APBA1: variants seen among roughly 807,000 people sequenced by gnomAD.
The protein encoded by APBA1 is amyloid beta precursor protein binding family A member 1, also known as amyloid-beta A4 precursor protein-binding family A member 1.
APBA1 carries 55 observed loss-of-function variants against 86.6 expected under a neutral mutation model. That is an observed-to-expected ratio of 0.64 (90% CI 0.51 to 0.80). The LOEUF is 0.80. Ranked by LOEUF, APBA1 falls within the 30% of genes least tolerant of loss-of-function variation. The pLI is 0.00. For synonymous variants in APBA1, 511 were observed against 493.9 expected (o/e 1.03, Z -0.46); for missense variants, 1,090 against 1,183.0 (o/e 0.92, Z 1.15).
intron 5 of APBA1, among the ~76,000 whole-genome samples, 158 bp downstream of exon 5, chr9:69,467,665 T>C (rs569870449): frequency 2.0e-5 from 3 of 152,288 alleles, no homozygotes; most frequent in African/African-American, 7.2e-5. Context: ...TTTGGAAATT[T>C]TTGTTTTGTT....
In APBA1 at chr9:69,459,085, C is replaced by T. The variant is rs3900247; in HGVS notation, c.1483-897G>A. Among the ~76,000 whole-genome samples the T allele has an allele frequency of 3.9e-5, 6 of 152,052 alleles. No homozygotes were observed. The East Asian group carries it at 7.7e-4, about 20-fold the overall frequency. ...TCCCAAAGTGCTGGGATTACAGGCG[C>T]GAGCCACCGCGCCTGGCCTCTAGTT... On this transcript the variant is annotated intron_variant, in intron 5 of 12. Transcript: ENST00000265381.
Position 69,456,369 on chromosome 9 carries a change from C to G in APBA1, c.1666G>C (p.Val556Leu). 6.2e-7 allele frequency: 1 copy of G among 1,613,832 alleles called. No homozygotes were observed. The highest frequency in any genetic ancestry group is 8.5e-7 in the Non-Finnish European group (1 of 1,179,800). The change falls in exon 8 of 13, where the codon GTG (valine) becomes CTG (leucine). Residue 556 changes from valine (V) to leucine (L), a missense_variant. By Grantham distance (32) the Val-to-Leu change is conservative. Around this residue, in one of 6 missense-constraint regions of APBA1, gnomAD observed 103 missense variants for 91.9 expected, o/e 1.12. Coordinates refer to ENST00000265381, the MANE Select transcript of APBA1 (RefSeq NM_001163.4). ...GGCATCCGCCGGCGGGCCATCAGCA[C>G]AACGATGTTCCCAATGTCCGCAATG... ...SYIADIGNIV[V>L]LMARRRMPRS...
chr9:69,503,086 T>C (rs914926989), intron 2 of APBA1, among the ~76,000 whole-genome samples: 4 of 152,142 alleles, frequency 2.6e-5, no homozygotes, highest in Admixed American at 6.5e-5. Context: ...TCTTACCATA[T>C]AACATAGTTA....
At chr9:69,435,393 T>C (rs1834690324) in intron 11 of APBA1, among the ~76,000 whole-genome samples, 1 of 152,088 alleles carries the variant, frequency 6.6e-6, no homozygotes, top group Non-Finnish European at 1.5e-5. Context: ...ATGGTTGAAC[T>C]AGTTTACAGT....
chr9:69,446,317 G>A (rs368403147), intron 10 of APBA1, among the ~76,000 whole-genome samples: 21 of 152,298 alleles, frequency 1.4e-4, no homozygotes, highest in African/African-American at 5.1e-4. Flanking sequence ...GCGGCGCACT[G>A]TGGCAGGGAG....
At chr9:69,503,091 T>A (rs996381720) in intron 2 of APBA1, among the ~76,000 whole-genome samples, 1 of 152,062 alleles carries the variant, frequency 6.6e-6, no homozygotes, top group African/African-American at 2.4e-5. Flanking sequence ...CCATATAACA[T>A]AGTTAATAAA....
At chr9:69,459,083 C>T (rs1024566231) in intron 5 of APBA1, among the ~76,000 whole-genome samples, 6 of 152,158 alleles carry the variant, frequency 3.9e-5, no homozygotes, top group South Asian at 2.1e-4. Flanking sequence ...GGATTACAGG[C>T]GCGAGCCACC....
At chr9:69,657,186 A>G (rs1393490338) in intron 1 of APBA1, among the ~76,000 whole-genome samples, 2 of 152,170 alleles carry the variant, frequency 1.3e-5, no homozygotes, top group Non-Finnish European at 2.9e-5. Flanking sequence ...TTTTATTCCC[A>G]TGGGGAAGAG....
chr9:69,669,955 A>G (rs946332020), intron 1 of APBA1, among the ~76,000 whole-genome samples: 4 of 152,240 alleles, frequency 2.6e-5, no homozygotes, highest in Admixed American at 2.0e-4. Context: ...GCAAATATAA[A>G]GGATGATGAC....
intron 10 of APBA1, among the ~76,000 whole-genome samples, chr9:69,448,746 C>A (rs1404857362): frequency 6.6e-6 from 1 of 152,090 alleles, no homozygotes; most frequent in Non-Finnish European, 1.5e-5. Flanking sequence ...CCTACAGGAC[C>A]CCAAAAAACG....
intron 1 of APBA1, among the ~76,000 whole-genome samples, chr9:69,599,011 T>C (rs1171229225): frequency 4.6e-5 from 7 of 152,208 alleles, no homozygotes. Context: ...ATGAGGAAGC[T>C]AGAGTAGTCA....
At chr9:69,490,223 G>A (rs1835684373) in intron 2 of APBA1, among the ~76,000 whole-genome samples, 1 of 151,396 alleles carries the variant, frequency 6.6e-6, no homozygotes, top group Non-Finnish European at 1.5e-5. Flanking sequence ...CTATCGCAAG[G>A]ACAAAAAACC....
At chr9:69,500,461 G>A (rs1835864249) in intron 2 of APBA1, among the ~76,000 whole-genome samples, 1 of 152,082 alleles carries the variant, frequency 6.6e-6, no homozygotes. Flanking sequence ...GAAAGCAGGT[G>A]ACAAACTCAA....
At chr9:69,467,505 T>C (rs1219325266) in intron 5 of APBA1, among the ~76,000 whole-genome samples, 2 of 152,222 alleles carry the variant, frequency 1.3e-5, no homozygotes, top group Admixed American at 1.3e-4. Context: ...CAGTGGTACA[T>C]GTCTTGCACT....
rs2133890168 is a variant in APBA1, at chr9:69,516,734, T to C, written c.477A>G (p.Glu159=). The C allele has an allele frequency of 1.2e-6, 2 of 1,612,060 alleles. No individual in the cohort carries two copies. Among genetic ancestry groups the C allele is most frequent in the Non-Finnish European group, 1.7e-6 (2 of 1,179,408 alleles). The change falls in exon 2 of 13, where the codon GAA becomes GAG. Residue 159 remains glutamate (E), a synonymous_variant. Transcript: ENST00000265381. This position sits in a 1 kb window ranked among gnomAD's most constrained non-coding sequence, Gnocchi z 7.3. ...HLHFHSLEHE[E]AMNAAYSGYV... is the part of the protein sequence containing the mutation. ...AGCCTGAGTAGGCCGCATTCATGGC[T>C]TCCTCGTGCTCCAGCGAGTGGAAGT...
At chr9:69,547,962 G>T (rs932203110) in intron 1 of APBA1, among the ~76,000 whole-genome samples, 1 of 152,160 alleles carries the variant, frequency 6.6e-6, no homozygotes, top group East Asian at 1.9e-4. Flanking sequence ...ACATTACAAA[G>T]GGATTTTGTA....
chr9:69,575,551 C>T (rs3927538), intron 1 of APBA1, among the ~76,000 whole-genome samples: 76,729 of 151,810 alleles, frequency 0.51, 21,673 homozygotes, highest in East Asian at 0.82. Context: ...GAAATAATGC[C>T]GCATATCTAC....
chr9:69,611,511 G>T (rs2133982373), intron 1 of APBA1, among the ~76,000 whole-genome samples: 1 of 152,252 alleles, frequency 6.6e-6, no homozygotes, highest in Non-Finnish European at 1.5e-5. Context: ...GAAAAAAGGG[G>T]GTGGTGGGAA....
At chr9:69,457,937 T>C (rs1002643590) in intron 6 of APBA1, among the ~76,000 whole-genome samples, 2 of 152,194 alleles carry the variant, frequency 1.3e-5, no homozygotes, top group African/African-American at 2.4e-5. Flanking sequence ...CTGCTCCCTG[T>C]CGTTCCTCTG....
Sources: allele counts gnomAD v4.1 joint callset (sites outside exome capture counted in the v4.1 genomes callset), GRCh38; gene constraint gnomAD v4.1.1; regional missense constraint gnomAD v4.1.1; non-coding constraint Gnocchi (gnomAD v3.1); transcripts MANE v1.5; gene names NCBI Gene and HGNC (gene_info 2026-07-23, HGNC 2026-07-21).